CRYL1: variants seen among roughly 807,000 people sequenced by gnomAD.
The protein encoded by CRYL1 is lambda-crystallin homolog.
CRYL1 carries 29 observed loss-of-function variants against 36.6 expected under a neutral mutation model. The observed-to-expected ratio is 0.79, with a 90% CI of 0.59 to 1.08. The LOEUF is 1.08. Among genes scored for constraint, CRYL1 ranks in the 50% least tolerant of loss-of-function variants. The pLI, the probability that CRYL1 is intolerant of heterozygous loss-of-function variation, is 0.00. For missense variants in CRYL1, 411 were observed against 407.9 expected (o/e 1.01, Z -0.06); for synonymous variants, 152 against 151.5 (o/e 1.00, Z -0.02).
chr13:20,508,842 A>T, intron 2 of CRYL1, among the ~76,000 whole-genome samples: 1 of 98,086 alleles, frequency 1.0e-5, no homozygotes, highest in Admixed American at 1.7e-4. Flanking sequence ...TGGCAGAGCG[A>T]GACTCCAAAA....
rs778046266 is a variant in CRYL1, at chr13:20,512,493, T to G, written c.99A>C (p.Lys33Asn). ...TCTGCTGTTGCTCAATGTCATAGAGTTTCACCTGGAAGCCTCCACTGGCAA... is the reference window on the plus strand; with the variant it reads ...TCTGCTGTTGCTCAATGTCATAGAGGTTCACCTGGAAGCCTCCACTGGCAA... ...MLFASGGFQV[K>N]LYDIEQQQIR... Residue 33 changes from lysine to asparagine, a missense_variant, in exon 2 of 8, where the codon AAA becomes AAC. Transcript: ENST00000298248. The G allele has an allele frequency of 8.2e-5, 132 of 1,613,926 alleles. No homozygotes were observed. The highest frequency in any genetic ancestry group is 1.1e-4 in the Non-Finnish European group (126 of 1,179,968).
intron 5 of CRYL1, among the ~76,000 whole-genome samples, chr13:20,414,679 T>C (rs1307682982): frequency 2.6e-5 from 4 of 152,184 alleles, no homozygotes; most frequent in Admixed American, 6.5e-5. Flanking sequence ...GCAATGTAAA[T>C]TGCAAAGCAA....
In CRYL1 at chr13:20,525,804, G is replaced by C. The variant is rs912348589; in HGVS notation, c.-10C>G. ...CCGCGGAGGACGCCATGGTTGGGCC[G>C]GGGACGCGGCGCCGCGGGCGCTGGG... is the stretch of plus-strand genomic sequence containing the variant. On this transcript the variant is annotated 5_prime_UTR_variant, in exon 1 of 8. Coordinates refer to ENST00000298248, the MANE Select transcript of CRYL1 (RefSeq NM_015974.3). The surrounding 1 kb of genome is among the most constrained non-coding windows in gnomAD (Gnocchi z 4.3). 1.6e-6 allele frequency: 2 copies of C among 1,241,536 alleles called. No homozygotes were observed. Among genetic ancestry groups the C allele is most frequent in the Non-Finnish European group, 2.0e-6 (2 of 991,944 alleles). The allele number at this position is 1,241,536 out of a possible 1,614,324, so 76.9% of individuals were successfully genotyped here.
intron 1 of CRYL1, among the ~76,000 whole-genome samples, chr13:20,520,260 T>C (rs2034070012): frequency 6.6e-6 from 1 of 152,190 alleles, no homozygotes; most frequent in African/African-American, 2.4e-5. Context: ...ATGTGGCAAT[T>C]ACCAGAGGGA....
At position 20,432,089 on chromosome 13, in the gene CRYL1, C is replaced by T. The variant is rs367813839; in HGVS notation, c.633+13G>A. 58 of 1,613,952 alleles carry T rather than the reference C, an allele frequency of 3.6e-5. No individual in the cohort carries two copies. Among genetic ancestry groups the T allele is most frequent in the Non-Finnish European group, 4.7e-5 (56 of 1,179,966 alleles). On this transcript the variant is annotated intron_variant, in intron 5 of 7. Coordinates refer to ENST00000298248, the MANE Select transcript of CRYL1 (RefSeq NM_015974.3). ...AAGGAAGGGAGGGAGGGAGAGAGGA[C>T]GGGCACACACACCTCCACTAGCCGC...
intron 7 of CRYL1, 66 bp from the exon 8 acceptor site, chr13:20,404,308 T>A: frequency 9.0e-7 from 1 of 1,105,344 alleles, no homozygotes; most frequent in East Asian, 2.4e-5. Flanking sequence ...GTGTAATTAT[T>A]GCTCTTGTTT....
At chr13:20,410,439 C>G (rs965485434) in intron 6 of CRYL1, among the ~76,000 whole-genome samples, 28 of 149,174 alleles carry the variant, frequency 1.9e-4, no homozygotes, top group African/African-American at 6.9e-4. Context: ...TGCTAGATGA[C>G]GAGTTAGTGG....
intron 3 of CRYL1, among the ~76,000 whole-genome samples, chr13:20,461,571 G>A (rs1346306391): frequency 3.9e-5 from 6 of 152,040 alleles, no homozygotes; most frequent in Non-Finnish European, 7.4e-5. Context: ...GTGAAGGCTG[G>A]CACCACAAAG....
intron 3 of CRYL1, among the ~76,000 whole-genome samples, chr13:20,467,746 G>C (rs1335128578): frequency 6.6e-6 from 1 of 152,148 alleles, no homozygotes; most frequent in Admixed American, 6.5e-5. Flanking sequence ...GCTTGAACCC[G>C]GGAGGCAGAG....
intron 2 of CRYL1, among the ~76,000 whole-genome samples, chr13:20,500,910 G>C (rs1282250415): frequency 6.6e-6 from 1 of 151,798 alleles, no homozygotes; most frequent in African/African-American, 2.4e-5. Context: ...ATTACTTCAG[G>C]CATCTCAAAA....
intron 5 of CRYL1, among the ~76,000 whole-genome samples, chr13:20,429,596 T>A (rs1565961024): frequency 6.6e-6 from 1 of 152,154 alleles, no homozygotes; most frequent in Non-Finnish European, 1.5e-5. Flanking sequence ...GGAGGCACAC[T>A]GTAGCCAGCA....
chr13:20,494,287 G>A (rs766702757), intron 2 of CRYL1, among the ~76,000 whole-genome samples: 1 of 152,164 alleles, frequency 6.6e-6, no homozygotes, highest in Admixed American at 6.5e-5. Flanking sequence ...GTTTAATACT[G>A]CGCCCATTGC....
chr13:20,417,959 A>G (rs2031711189), intron 5 of CRYL1, among the ~76,000 whole-genome samples: 1 of 152,230 alleles, frequency 6.6e-6, no homozygotes, highest in South Asian at 2.1e-4. Flanking sequence ...GATTTATTTC[A>G]AGGAATTGGC....
intron 5 of CRYL1, among the ~76,000 whole-genome samples, chr13:20,414,258 TG>T (rs1204466047): frequency 3.8e-4 from 55 of 144,460 alleles, no homozygotes; most frequent in African/African-American, 1.4e-3. Context: ...AGATTTTTTG[TG>T]TGTGTGTGTG....
Position 20,420,701 on chromosome 13 carries a change from T to TTTTTTTTCTTTTTTTTG in CRYL1, c.634-7315_634-7314insCAAAAAAAAGAAAAAAA. Among the ~76,000 whole-genome samples, 2 of 21,840 alleles carry TTTTTTTTCTTTTTTTTG rather than the reference T, an allele frequency of 9.2e-5. 1 individual carries two copies. The highest frequency in any genetic ancestry group is 2.7e-4 in the Non-Finnish European group (2 of 7,326). The allele number at this position is 21,840 out of a possible 152,430, so 14.3% of individuals were successfully genotyped here. ...CTTTGACTTTTCTTTAAAATAGAGG[T>TTTTTTTTCTTTTTTTTG]TGTGTGTGTGTGTGTGTGTGTGTGT... On this transcript the variant is annotated intron_variant, in intron 5 of 7. Coordinates refer to ENST00000298248, the MANE Select transcript of CRYL1 (RefSeq NM_015974.3).
intron 3 of CRYL1, among the ~76,000 whole-genome samples, chr13:20,485,493 T>C (rs958430254): frequency 1.3e-5 from 2 of 151,978 alleles, no homozygotes; most frequent in Non-Finnish European, 2.9e-5. Flanking sequence ...TGAAACCCCA[T>C]CTCTATTAAA....
chr13:20,485,311 G>A (rs376004044), intron 3 of CRYL1, among the ~76,000 whole-genome samples: 211 of 152,108 alleles, frequency 1.4e-3, no homozygotes, highest in Middle Eastern at 6.8e-3. Flanking sequence ...GGACCACCAC[G>A]CCCAGCCTAT....
intron 5 of CRYL1, among the ~76,000 whole-genome samples, chr13:20,414,545 C>T (rs1181011051): frequency 6.6e-6 from 1 of 152,164 alleles, no homozygotes; most frequent in South Asian, 2.1e-4. Flanking sequence ...GCTCTCCAGG[C>T]TTCACATGCC....
At position 20,489,483 on chromosome 13, in the gene CRYL1, A is replaced by T. The variant is rs370647834; in HGVS notation, c.163T>A (p.Leu55Met). 18 of 1,613,098 alleles carry T rather than the reference A, an allele frequency of 1.1e-5. No homozygotes were observed. The highest frequency in any genetic ancestry group is 1.4e-5 in the Non-Finnish European group (17 of 1,180,008). Residue 55 changes from leucine (L) to methionine (M), a missense_variant, in exon 3 of 8, where the codon TTG (leucine) becomes ATG (methionine). Physicochemically the swap from Leu to Met is conservative, Grantham distance 15 (BLOSUM62 2). Transcript: ENST00000298248. ...TTCAGAGAACCTGCCTGCTCCAGCA[A>T]CTTCATCTCCTTTCTGGAAAGGCAG... ...ALENIRKEMKLLEQAGSLKGS... is the reference protein window; with the variant it reads ...ALENIRKEMKMLEQAGSLKGS...
Sources: allele counts gnomAD v4.1 joint callset (sites outside exome capture counted in the v4.1 genomes callset), GRCh38; gene constraint gnomAD v4.1.1; non-coding constraint Gnocchi (gnomAD v3.1); transcripts MANE v1.5; gene names NCBI Gene and HGNC (gene_info 2026-07-23, HGNC 2026-07-21).